The following EEF1D variants were observed in gnomAD, a reference collection of about 807,000 sequenced individuals.
The protein encoded by EEF1D is eukaryotic translation elongation factor 1 delta, also known as elongation factor 1-delta.
Under a neutral mutation model 63.9 loss-of-function variants are expected in EEF1D, and 47 were observed. The ratio of observed to expected loss-of-function variants is 0.74; its 90% CI spans 0.58 to 0.94. The LOEUF is 0.94. Among genes scored for constraint, EEF1D ranks in the 40% least tolerant of loss-of-function variants. The pLI, the probability that EEF1D is intolerant of heterozygous loss-of-function variation, is 0.00. For synonymous variants in EEF1D, 412 were observed against 386.1 expected (o/e 1.07, Z -0.79); for missense variants, 907 against 899.0 (o/e 1.01, Z -0.11).
chr8:143,586,708 C>A, intron 4 of EEF1D, 21 bp downstream of exon 4: 2 of 1,609,594 alleles, frequency 1.2e-6, no homozygotes, highest in East Asian at 2.2e-5. Context: ...GCCGCCCAGC[C>A]GCCCCACGTG....
chr8:143,590,428 A>T (rs1252911775), intron 2 of EEF1D: 2 of 700,550 alleles, frequency 2.9e-6, no homozygotes, highest in Non-Finnish European at 4.4e-6. Flanking sequence ...CTTACACTAA[A>T]AATTTTTCGT....
Position 143,581,300 on chromosome 8 carries a change from G to A in EEF1D, c.1316C>T (p.Thr439Ile), listed in dbSNP as rs1281438524. 1 of 1,612,044 alleles carries A rather than the reference G, an allele frequency of 6.2e-7. No individual in the cohort carries two copies. Among genetic ancestry groups the A allele is most frequent in the South Asian group, 1.1e-5 (1 of 91,030 alleles). The change falls in exon 6 of 10, where the codon ACC becomes ATC. Residue 439 changes from threonine to isoleucine, a missense_variant. Physicochemically the swap from Thr to Ile is moderately conservative, Grantham distance 89. Transcript: ENST00000618139. Reference sequence around the variant, plus strand: ...GACGAGCTCACCGTGGTCTCCGCTGGTGCCGCTGGAGGCCCCGGGGCCTGA... The same window carrying A: ...GACGAGCTCACCGTGGTCTCCGCTGATGCCGCTGGAGGCCCCGGGGCCTGA... ...GSSGPGASSG[T>I]SGDHGELVVR...
intron 7 of EEF1D, 44 bp from the exon 8 acceptor site, chr8:143,580,771 ACCAGGGCCCAGAGCTG>A: frequency 6.2e-7 from 1 of 1,602,392 alleles, no homozygotes; most frequent in Non-Finnish European, 8.5e-7. Context: ...AGACGCCCCA[ACCAGGGCCCAGAGCTG>A]CCTGGCCACC....
At position 143,589,813 on chromosome 8, in the gene EEF1D, C is replaced by A; in HGVS notation, c.269G>T (p.Arg90Leu). 1.9e-6 allele frequency: 3 copies of A among 1,601,166 alleles called. No individual in the cohort carries two copies. Among genetic ancestry groups the A allele is most frequent in the Non-Finnish European group, 2.6e-6 (3 of 1,174,620 alleles). Residue 90 changes from arginine (R) to leucine (L), a missense_variant, in exon 3 of 10, where the codon CGC becomes CTC. Coordinates refer to ENST00000618139, the MANE Select transcript of EEF1D (RefSeq NM_001130053.5). Reference protein sequence around the residue: ...SRKPLQKKRKRSPKSGLGPAD... With the variant: ...SRKPLQKKRKLSPKSGLGPAD... ...GGGGCCGAGCCCGCTCTTGGGGGAG[C>A]GCTTCCTCTTTTTCTGCAGGGGCTT...
Position 143,586,733 on chromosome 8 carries a change from C to T in EEF1D, c.1211G>A (p.Arg404His), listed in dbSNP as rs538653885. The stretch of plus-strand genomic sequence containing the variant: ...CGCCCCACGTGCAGCTCTCACCTGG[C>T]GGGAGGCACCTGCCACAGGCCCGTT... The part of the protein sequence containing the change: ...QMNGPVAGAS[R>H]QENGASVILR... Residue 404 changes from arginine to histidine, a missense_variant, in exon 4 of 10, where the codon CGC becomes CAC. Physicochemically the swap from Arg to His is conservative, Grantham distance 29. Coordinates refer to ENST00000618139, the MANE Select transcript of EEF1D (RefSeq NM_001130053.5). 27 of 1,613,112 alleles carry T rather than the reference C, an allele frequency of 1.7e-5. No homozygotes were observed. The highest frequency in any genetic ancestry group is 3.3e-5 in the South Asian group (3 of 91,062).
intron 5 of EEF1D, among the ~76,000 whole-genome samples, chr8:143,585,570 G>C (rs1484688551): frequency 2.0e-5 from 3 of 152,188 alleles, no homozygotes; most frequent in Non-Finnish European, 2.9e-5. Flanking sequence ...CCCGTTCTTG[G>C]GGCCAGGACA....
chr8:143,589,330 A>C lies in EEF1D; in HGVS notation c.752T>G (p.Phe251Cys). 6.3e-7 allele frequency: 1 copy of C among 1,585,216 alleles called. No individual in the cohort carries two copies. ...AAERGFYEAL[F>C]DGHPPGKVRL... Reference sequence around the variant, plus strand: ...CACCTTCCCTGGGGGATGGCCGTCAAACAGGGCCTCGTAGAAGCCCCTCTC... The same window carrying C: ...CACCTTCCCTGGGGGATGGCCGTCACACAGGGCCTCGTAGAAGCCCCTCTC... The change falls in exon 3 of 10, where the codon TTT (phenylalanine) becomes TGT (cysteine). Residue 251 changes from phenylalanine to cysteine, a missense_variant. By Grantham distance (205) the Phe-to-Cys change is radical. Coordinates refer to ENST00000618139, the MANE Select transcript of EEF1D (RefSeq NM_001130053.5).
Position 143,580,072 on chromosome 8 carries a change from C to T in EEF1D, c.1845G>A (p.Val615=). Residue 615 remains valine, a synonymous_variant, in exon 9 of 10, where the codon GTG becomes GTA. Coordinates refer to ENST00000618139, the MANE Select transcript of EEF1D (RefSeq NM_001130053.5). ...AGTCTGTCCCCACCTTGTCGTCCTC[C>T]ACCACACACTGAATCTGTAGCTTCC... is the stretch of plus-strand genomic sequence containing the variant. ...GIRKLQIQCV[V]EDDKVGTDLL... 3.1e-6 allele frequency: 5 copies of T among 1,614,070 alleles called. No individual in the cohort carries two copies. Among genetic ancestry groups the T allele is most frequent in the Non-Finnish European group, 4.2e-6 (5 of 1,180,012 alleles).
rs979560117 is a variant in EEF1D, at chr8:143,580,614, G to C, written c.1602C>G (p.Asp534Glu). The C allele has an allele frequency of 5.6e-6, 9 of 1,613,714 alleles. No individual in the cohort carries two copies. The highest frequency in any genetic ancestry group is 1.7e-4 in the Middle Eastern group (1 of 6,060). ...DLFGSDNEEEDKEAAQLREER... is the reference protein window; with the variant it reads ...DLFGSDNEEEEKEAAQLREER... ...CCTCCCGCAGCTGTGCCGCCTCCTT[G>C]TCCTCCTCCTCATTGTCACTGCCAA... Residue 534 changes from aspartate (D) to glutamate (E), a missense_variant, in exon 8 of 10, where the codon GAC becomes GAG. By Grantham distance (45) the Asp-to-Glu change is conservative. Coordinates refer to ENST00000618139, the MANE Select transcript of EEF1D (RefSeq NM_001130053.5).
intron 1 of EEF1D, chr8:143,592,897 A>T: frequency 1.3e-5 from 2 of 158,160 alleles, no homozygotes; most frequent in Non-Finnish European, 2.7e-5. Flanking sequence ...TCATCCCCTG[A>T]AAGGGGAGCT....
rs761666277 is a variant in EEF1D at position 143,589,485 on chromosome 8, T to C, written c.597A>G (p.Thr199=). The stretch of plus-strand genomic sequence containing the variant: ...GGTCGGGGACGGCCACCTGCTGGCC[T>C]GTGTTGGGAGTCCCCTGCCTGCGGC... ...DGSRRQGTPN[T]GQQVAVPDLA... is the part of the protein sequence containing the mutation. The change falls in exon 3 of 10, where the codon ACA becomes ACG. Residue 199 remains threonine (T), a synonymous_variant. Transcript: ENST00000618139. 1.3e-6 allele frequency: 2 copies of C among 1,528,904 alleles called. No individual in the cohort carries two copies. The highest frequency in any genetic ancestry group is 1.4e-5 in the African/African-American group (1 of 72,410). The allele number at this position is 1,528,904 out of a possible 1,614,324, so 94.7% of individuals were successfully genotyped here. A position where few individuals can be genotyped will look rare whatever the true frequency, so the allele number is the denominator to read the frequency against.
At chr8:143,593,929 G>C (rs974547277) in intron 1 of EEF1D, 2 of 985,278 alleles carry the variant, frequency 2.0e-6, no homozygotes, top group Admixed American at 6.1e-5. Context: ...GAGCTTCAAA[G>C]CTTGCGCAGA....
chr8:143,583,796 G>A (rs981317390), intron 5 of EEF1D: 5 of 152,330 alleles, frequency 3.3e-5, no homozygotes, highest in African/African-American at 1.2e-4. Context: ...GGATTCTGTA[G>A]ATGTGATAAG....
At chr8:143,582,614 G>A (rs1315703414) in intron 5 of EEF1D, 1 of 152,274 alleles carries the variant, frequency 6.6e-6, no homozygotes, top group Non-Finnish European at 1.5e-5. Context: ...AGTCAGCACT[G>A]GCCCCGGGCT....
Position 143,593,328 on chromosome 8 carries a change from G to A in EEF1D, c.-14-668C>T, listed in dbSNP as rs117084986. Among the ~76,000 whole-genome samples the A allele has an allele frequency of 3.5e-3, 535 of 152,334 alleles. 2 individuals are homozygous for A. The highest frequency in any genetic ancestry group is 5.2e-3 in the Admixed American group (80 of 15,304). On this transcript the variant is annotated intron_variant, in intron 1 of 9. Transcript: ENST00000618139. ...CCACCCAGTTCACTCCTCGGCTGGAGACACTAGGTGTCCTGCCCCTAATCT... is the reference window on the plus strand; with the variant it reads ...CCACCCAGTTCACTCCTCGGCTGGAAACACTAGGTGTCCTGCCCCTAATCT...
chr8:143,590,590 C>G, intron 2 of EEF1D: 1 of 1,054,792 alleles, frequency 9.5e-7, no homozygotes. Context: ...ACACCCAGAG[C>G]ACCCTCAAAG....
chr8:143,580,227 A>G (rs780288774), intron 8 of EEF1D, 21 bp from the exon 9 acceptor site: 2 of 1,608,178 alleles, frequency 1.2e-6, no homozygotes, highest in East Asian at 2.2e-5. Flanking sequence ...AGGGGAGGAA[A>G]AGCTGGGGTC....
chr8:143,580,254 C>A, intron 8 of EEF1D, 48 bp from the exon 9 acceptor site: 1 of 1,580,102 alleles, frequency 6.3e-7, no homozygotes, highest in Non-Finnish European at 8.6e-7. Context: ...CCTCAGAACA[C>A]CCAGGAAGTA....
chr8:143,586,787 T>C lies in EEF1D; in HGVS notation c.1157A>G (p.Asp386Gly). The C allele has an allele frequency of 6.2e-7, 1 of 1,614,188 alleles. No homozygotes were observed. Among genetic ancestry groups the C allele is most frequent in the African/African-American group, 1.3e-5 (1 of 75,066 alleles). Residue 386 changes from aspartate (D) to glycine (G), a missense_variant, in exon 4 of 10, where the codon GAC becomes GGC. Coordinates refer to ENST00000618139, the MANE Select transcript of EEF1D (RefSeq NM_001130053.5). ...KIWFDKFKYD[D>G]AERRFYEQMN... Reference sequence around the variant, plus strand: ...CTGCTCGTAGAATCTCCTTTCTGCGTCGTCATATTTGAACTTGTCGAACCA... The same window carrying C: ...CTGCTCGTAGAATCTCCTTTCTGCGCCGTCATATTTGAACTTGTCGAACCA...
Sources: gnomAD v4.1 joint callset for allele counts (sites outside exome capture counted in the v4.1 genomes callset) on GRCh38, gnomAD v4.1.1 for gene constraint, MANE v1.5 for transcripts, NCBI Gene and HGNC (gene_info 2026-07-23, HGNC 2026-07-21) for gene names.